The following PTPRU variants were observed in gnomAD, a reference collection of about 807,000 sequenced individuals.
The protein encoded by PTPRU is protein tyrosine phosphatase receptor type U, also known as receptor-type tyrosine-protein phosphatase U.
A neutral mutation model predicts 166.3 loss-of-function variants in PTPRU; 69 were observed. That is an observed-to-expected ratio of 0.41 (90% CI 0.34 to 0.51). The LOEUF (loss-of-function observed/expected upper bound fraction) is 0.51. Among genes scored for constraint, PTPRU ranks in the 20% least tolerant of loss-of-function variants. The pLI is 0.09. For synonymous variants in PTPRU, 793 were observed against 814.0 expected (o/e 0.97, Z 0.44); for missense variants, 1,657 against 2,013.7 (o/e 0.82, Z 3.39).
At chr1:29,241,521 T>C (rs897251253) in intron 1 of PTPRU, among the ~76,000 whole-genome samples, 2 of 151,804 alleles carry the variant, frequency 1.3e-5, no homozygotes, top group East Asian at 1.9e-4. Flanking sequence ...GACCCAGTCA[T>C]TGAAGTATCC....
intron 7 of PTPRU, among the ~76,000 whole-genome samples, chr1:29,266,600 C>T (rs1685314643): frequency 1.3e-5 from 2 of 152,158 alleles, no homozygotes; most frequent in Admixed American, 1.3e-4. Context: ...GGTTACTTAA[C>T]CTTTCTGAGC....
At chr1:29,284,904 T>TTC (rs1686273075) in intron 14 of PTPRU, 35 bp downstream of exon 14, 11 of 1,580,252 alleles carry the variant, frequency 7.0e-6, no homozygotes, top group Non-Finnish European at 9.5e-6. Flanking sequence ...CACCAGTGGC[T>TTC]TCTACCCCTT....
chr1:29,325,383 A>G lies in PTPRU; in HGVS notation c.4248+57A>G. On this transcript the variant is annotated intron_variant, in intron 29 of 29. Coordinates refer to ENST00000373779, the MANE Select transcript of PTPRU (RefSeq NM_133178.4). ...CCACCTTCCTGGTCCATGCCAGGCC[A>G]GGTTCCTTAGCACCCACTCTCCCAT... 2.5e-6 allele frequency: 4 copies of G among 1,588,930 alleles called. No homozygotes were observed. The South Asian group carries it at 4.4e-5, about 18-fold the overall frequency.
chr1:29,253,748 C>T (rs1684653828), intron 1 of PTPRU, among the ~76,000 whole-genome samples: 1 of 151,862 alleles, frequency 6.6e-6, no homozygotes, highest in African/African-American at 2.4e-5. Flanking sequence ...GGTATCGAAA[C>T]CTCTTTTGGT....
In PTPRU at chr1:29,255,298, A is replaced by C; in HGVS notation, c.97A>C (p.Ser33Arg). Residue 33 changes from serine (S) to arginine (R), a missense_variant, in exon 2 of 30, where the codon AGT becomes CGT. By Grantham distance (110) the Ser-to-Arg change is moderately radical. This residue lies in a region of PTPRU where 453 missense variants were observed against 496.9 expected (regional missense o/e 0.91). Transcript: ENST00000373779. ...PAAGCTFEEASDPAVPCEYSQ... is the reference protein window; with the variant it reads ...PAAGCTFEEARDPAVPCEYSQ... The stretch of plus-strand genomic sequence containing the variant: ...AGCTGGCTGCACCTTCGAGGAGGCA[A>C]GTGACCCAGCAGTGCCCTGCGAGTA... 1 of 1,613,754 alleles carries C rather than the reference A, an allele frequency of 6.2e-7. No individual in the cohort carries two copies. Among genetic ancestry groups the C allele is most frequent in the Non-Finnish European group, 8.5e-7 (1 of 1,179,756 alleles).
Position 29,311,850 on chromosome 1 carries a change from G to A in PTPRU, c.3072+91G>A. On this transcript the variant is annotated intron_variant, in intron 21 of 29. Coordinates refer to ENST00000373779, the MANE Select transcript of PTPRU (RefSeq NM_133178.4). The surrounding 1 kb of genome is among the most constrained non-coding windows in gnomAD (Gnocchi z 4.1). ...TTCCCCCAGCCCTGGGAGCAGGAGG[G>A]TGAGGAGCGCACCACTGCCCATCCC... 1 of 1,288,354 alleles carries A rather than the reference G, an allele frequency of 7.8e-7. No individual in the cohort carries two copies. The highest frequency in any genetic ancestry group is 1.1e-6 in the Non-Finnish European group (1 of 906,182). The allele number at this position is 1,288,354 out of a possible 1,614,324, so 79.8% of individuals were successfully genotyped here.
chr1:29,249,893 A>G (rs1250629158), intron 1 of PTPRU, among the ~76,000 whole-genome samples: 1 of 152,158 alleles, frequency 6.6e-6, no homozygotes, highest in African/African-American at 2.4e-5. Context: ...ATTCAAAATG[A>G]GGCCCAGCTC....
chr1:29,311,366 C>A lies in PTPRU; in HGVS notation c.2858-90C>A. Reference sequence around the variant, plus strand: ...CGTTGGGGCTCAGGAGGCCTCCTGGCCTGGGGTGTGGTGCTGGATGGTGCT... The same window carrying A: ...CGTTGGGGCTCAGGAGGCCTCCTGGACTGGGGTGTGGTGCTGGATGGTGCT... On this transcript the variant is annotated intron_variant, in intron 19 of 29. Transcript: ENST00000373779. The surrounding 1 kb of genome is among the most constrained non-coding windows in gnomAD (Gnocchi z 4.1). The A allele has an allele frequency of 7.6e-7, 1 of 1,315,830 alleles. No homozygotes were observed. The highest frequency in any genetic ancestry group is 1.1e-6 in the Non-Finnish European group (1 of 931,754). The allele number at this position is 1,315,830 out of a possible 1,614,324, so 81.5% of individuals were successfully genotyped here. A position where few individuals can be genotyped will look rare whatever the true frequency, so the allele number is the denominator to read the frequency against.
rs1164560327 is a variant in PTPRU at position 29,323,678 on chromosome 1, G to A, written c.4002G>A (p.Trp1334Ter). The part of the protein sequence containing the change: ...LLVRHFQFLR[W>*]SAYRDTPDSK... ...TGCGGCACTTCCAGTTCCTGCGCTG[G>A]TCTGCATACCGGGACACACCTGACT... The change falls in exon 28 of 30, where the codon TGG becomes TGA. Residue 1334 changes from tryptophan (W) to a stop codon, truncating the protein, a stop_gained. Coordinates refer to ENST00000373779, the MANE Select transcript of PTPRU (RefSeq NM_133178.4). LOFTEE classifies it high-confidence loss of function. 1.9e-6 allele frequency: 3 copies of A among 1,614,170 alleles called. No individual in the cohort carries two copies. Among genetic ancestry groups the A allele is most frequent in the Non-Finnish European group, 2.5e-6 (3 of 1,180,012 alleles).
At position 29,320,679 on chromosome 1, in the gene PTPRU, C is replaced by G. The variant is rs1362896280; in HGVS notation, c.3688-6C>G. 6.4e-7 allele frequency: 1 copy of G among 1,571,760 alleles called. No homozygotes were observed. Among genetic ancestry groups the G allele is most frequent in the African/African-American group, 1.3e-5 (1 of 74,152 alleles). Reference sequence around the variant, plus strand: ...AGGGCCCTGCTGAGTTCCGGTTTCCCTGCAGAGCTACACACGGAGTGCGGC... The same window carrying G: ...AGGGCCCTGCTGAGTTCCGGTTTCCGTGCAGAGCTACACACGGAGTGCGGC... On this transcript the variant is annotated splice_region_variant and splice_polypyrimidine_tract_variant and intron_variant, in intron 25 of 29. Transcript: ENST00000373779. This position sits in a 1 kb window ranked among gnomAD's most constrained non-coding sequence, Gnocchi z 5.2.
At chr1:29,298,412 G>GT (rs1259735833) in intron 15 of PTPRU, among the ~76,000 whole-genome samples, 1 of 152,212 alleles carries the variant, frequency 6.6e-6, no homozygotes, top group Non-Finnish European at 1.5e-5. Flanking sequence ...TGGAGGCCAG[G>GT]TTTTTGTGGT....
Position 29,312,566 on chromosome 1 carries a change from C to G in PTPRU, c.3087C>G (p.Ala1029=), listed in dbSNP as rs1361885848. The part of the protein sequence containing the change: ...TFALERRGYS[A]RHEVRQFHFT... ...TGTCTCCCCAGAGAGGCTACTCTGC[C>G]CGGCACGAGGTCCGCCAGTTCCACT... The change falls in exon 22 of 30, where the codon GCC becomes GCG. Residue 1029 remains alanine (A), a synonymous_variant. Transcript: ENST00000373779. 1.3e-6 allele frequency: 2 copies of G among 1,592,228 alleles called. No individual in the cohort carries two copies. Among genetic ancestry groups the G allele is most frequent in the African/African-American group, 2.7e-5 (2 of 74,606 alleles).
chr1:29,281,882 A>C (rs76221443), intron 11 of PTPRU, among the ~76,000 whole-genome samples: 1 of 152,312 alleles, frequency 6.6e-6, no homozygotes, highest in African/African-American at 2.4e-5. Flanking sequence ...GAAATATTTA[A>C]ATTTGTCAGG....
Position 29,291,679 on chromosome 1 carries a change from T to G in PTPRU, c.2319-190T>G, listed in dbSNP as rs1374266768. Among the ~76,000 whole-genome samples the G allele has an allele frequency of 1.3e-5, 2 of 152,140 alleles. No individual in the cohort carries two copies. The highest frequency in any genetic ancestry group is 2.9e-5 in the Non-Finnish European group (2 of 68,010). On this transcript the variant is annotated intron_variant, in intron 14 of 29. Coordinates refer to ENST00000373779, the MANE Select transcript of PTPRU (RefSeq NM_133178.4). The surrounding 1 kb of genome is among the most constrained non-coding windows in gnomAD (Gnocchi z 4.1). Reference sequence around the variant, plus strand: ...TAGGACGGGCTCTGCCAAGCCCTTTTCAGGGAAGAAGCAGCTCTGGGTCTA... The same window carrying G: ...TAGGACGGGCTCTGCCAAGCCCTTTGCAGGGAAGAAGCAGCTCTGGGTCTA...
rs200174460 is a variant in PTPRU, at chr1:29,323,487, C to G, written c.3945C>G (p.Asn1315Lys). The G allele has an allele frequency of 7.5e-6, 12 of 1,608,656 alleles. No homozygotes were observed. The East Asian group carries it at 2.5e-4, about 33-fold the overall frequency. Residue 1315 changes from asparagine (N) to lysine (K), a missense_variant, in exon 27 of 30, where the codon AAC (asparagine) becomes AAG (lysine). Asn to Lys is a moderately conservative substitution (Grantham distance 94, BLOSUM62 0). This residue lies in a region of PTPRU where 1,190 missense variants were observed against 1,477.4 expected (regional missense o/e 0.81). Transcript: ENST00000373779. ...DLVARVFRVQ[N>K]ISRLQEGHLL... The stretch of plus-strand genomic sequence containing the variant: ...TGGCTCGAGTCTTCCGGGTGCAGAA[C>G]ATCTCTCGGGTGAGTGGTCTGAGGA...
chr1:29,266,010 G>GTTTTTTTTT (rs34163524), intron 7 of PTPRU, among the ~76,000 whole-genome samples: 6 of 79,202 alleles, frequency 7.6e-5, no homozygotes, highest in South Asian at 5.4e-4. Context: ...TTTCTCCTGG[G>GTTTTTTTTT]TTTTTTTTTT....
At chr1:29,286,000 A>G (rs1468816176) in intron 14 of PTPRU, among the ~76,000 whole-genome samples, 1 of 152,226 alleles carries the variant, frequency 6.6e-6, no homozygotes, top group Non-Finnish European at 1.5e-5. Context: ...TATAGCCCCT[A>G]CTGCTGCCAG....
chr1:29,303,115 TTAAA>T (rs1336215165), intron 15 of PTPRU, among the ~76,000 whole-genome samples: 2 of 152,196 alleles, frequency 1.3e-5, no homozygotes, highest in Non-Finnish European at 2.9e-5. Context: ...TGCATAAGTA[TTAAA>T]TGAGTGAGTG....
rs1324398624 is a variant in PTPRU, at chr1:29,291,145, T to A, written c.2319-724T>A. Among the ~76,000 whole-genome samples the A allele has an allele frequency of 2.7e-5, 4 of 150,792 alleles. No homozygotes were observed. In the East Asian group the frequency reaches 7.9e-4, roughly 30 times the overall value. ...AAGCTGGGCCTGGAGGGAGAGGAGG[T>A]CTCTCTTTCTCTTCCCTGCTGCTCT... is the stretch of plus-strand genomic sequence containing the variant. On this transcript the variant is annotated intron_variant, in intron 14 of 29. Coordinates refer to ENST00000373779, the MANE Select transcript of PTPRU (RefSeq NM_133178.4). This position sits in a 1 kb window ranked among gnomAD's most constrained non-coding sequence, Gnocchi z 4.1.
Sources: allele counts gnomAD v4.1 joint callset (sites outside exome capture counted in the v4.1 genomes callset), GRCh38; gene constraint gnomAD v4.1.1; regional missense constraint gnomAD v4.1.1; non-coding constraint Gnocchi (gnomAD v3.1); transcripts MANE v1.5; gene names NCBI Gene and HGNC (gene_info 2026-07-23, HGNC 2026-07-21).